WDFY4: variants seen among roughly 807,000 people sequenced by gnomAD.
WDFY4 encodes WDFY family member 4, also known as WD repeat- and FYVE domain-containing protein 4.
In WDFY4, 169 loss-of-function variants were observed where a neutral mutation model predicts 351.9. The ratio of observed to expected loss-of-function variants is 0.48; its 90% CI spans 0.42 to 0.55. WDFY4 has a LOEUF of 0.55. Among genes scored for constraint, WDFY4 ranks in the 20% least tolerant of loss-of-function variants. WDFY4 has a pLI of 0.00. For synonymous variants in WDFY4, 1,622 were observed against 1,574.6 expected (o/e 1.03, Z -0.71); for missense variants, 3,803 against 3,935.6 (o/e 0.97, Z 0.90).
intron 61 of WDFY4, among the ~76,000 whole-genome samples, chr10:48,982,046 C>T (rs1278826721): frequency 1.3e-5 from 2 of 152,138 alleles, no homozygotes; most frequent in South Asian, 2.1e-4. Flanking sequence ...CCCTCACTGG[C>T]GTGGCGTGGG....
chr10:48,860,454 A>C (rs967446926), intron 39 of WDFY4, among the ~76,000 whole-genome samples: 5 of 152,136 alleles, frequency 3.3e-5, no homozygotes, highest in African/African-American at 1.2e-4. Flanking sequence ...GTGGAGAGAG[A>C]AAGCTCTGGT....
rs116425328 is a variant in WDFY4, at chr10:48,775,339, G to A, written c.2769-373G>A. Among the ~76,000 whole-genome samples, 428 of 152,310 alleles carry A rather than the reference G, an allele frequency of 2.8e-3. 2 individuals are homozygous for A. Among genetic ancestry groups the A allele is most frequent in the African/African-American group, 9.7e-3 (403 of 41,564 alleles). ...ATACACAGGAGCAAGTGTAGAGGGC[G>A]CACAGACAGCCTTTCCAGCCAGCAG... is the stretch of plus-strand genomic sequence containing the variant. On this transcript the variant is annotated intron_variant, in intron 14 of 61. Coordinates refer to ENST00000325239, the MANE Select transcript of WDFY4 (RefSeq NM_001394531.1).
chr10:48,777,349 C>T (rs1193588664), intron 16 of WDFY4, 70 bp from the exon 17 acceptor site: 3 of 1,391,280 alleles, frequency 2.2e-6, no homozygotes, highest in Non-Finnish European at 3.0e-6. Flanking sequence ...ATGTCATGGC[C>T]CAGACTAGCT....
At chr10:48,976,208 G>A (rs1842561754) in intron 58 of WDFY4, among the ~76,000 whole-genome samples, 1 of 152,236 alleles carries the variant, frequency 6.6e-6, no homozygotes, top group South Asian at 2.1e-4. Context: ...AAGGCTCAAA[G>A]GGATGGCCCC....
intron 43 of WDFY4, among the ~76,000 whole-genome samples, chr10:48,889,523 A>G (rs1408141783): frequency 6.6e-6 from 1 of 151,644 alleles, no homozygotes; most frequent in Non-Finnish European, 1.5e-5. Context: ...AAACATATCT[A>G]TTCTGCTTTT....
chr10:48,932,815 C>G (rs1840102286), intron 47 of WDFY4, among the ~76,000 whole-genome samples: 1 of 152,092 alleles, frequency 6.6e-6, no homozygotes, highest in African/African-American at 2.4e-5. Flanking sequence ...TGGGGAGGTC[C>G]TTTCTGAGAA....
At chr10:48,765,119 A>T (rs1178070758) in intron 13 of WDFY4, among the ~76,000 whole-genome samples, 1 of 152,248 alleles carries the variant, frequency 6.6e-6, no homozygotes, top group African/African-American at 2.4e-5. Context: ...GAACATATGG[A>T]TGAGTGGGGC....
rs2066482782 is a variant in WDFY4, at chr10:48,787,879, T to TTC, written c.3809-650_3809-649insCT. On this transcript the variant is annotated intron_variant, in intron 20 of 61. Coordinates refer to ENST00000325239, the MANE Select transcript of WDFY4 (RefSeq NM_001394531.1). ...CTTCTTTCTTCTTCTTTCTTCTTTC[T>TTC]TTCTTCTTCTTCTCCTTCTTCTTCT... Among the ~76,000 whole-genome samples, 9 of 104,526 alleles carry TTC rather than the reference T, an allele frequency of 8.6e-5. 1 individual carries two copies. The highest frequency in any genetic ancestry group is 3.7e-4 in the African/African-American group (6 of 16,084). 68.6% of individuals were successfully genotyped at this position (104,526 alleles called of 152,430 possible).
chr10:48,833,564 G>C (rs1327107750), intron 39 of WDFY4, among the ~76,000 whole-genome samples: 1 of 152,234 alleles, frequency 6.6e-6, no homozygotes, highest in African/African-American at 2.4e-5. Context: ...AAGGGAAATA[G>C]ACTCCACCTT....
At position 48,806,986 on chromosome 10, in the gene WDFY4, A is replaced by G. The variant is rs1464560493; in HGVS notation, c.4739-873A>G. On this transcript the variant is annotated intron_variant, in intron 27 of 61. Transcript: ENST00000325239. The stretch of plus-strand genomic sequence containing the variant: ...GGATAGCATTTTTTAATCTAGATAA[A>G]GTATTATCTCTTATCCTTAGATCAA... Among the ~76,000 whole-genome samples the G allele has an allele frequency of 2.6e-5, 4 of 152,322 alleles. No homozygotes were observed. In the South Asian group the frequency reaches 8.3e-4, roughly 32 times the overall value.
In WDFY4 at chr10:48,814,416, C is replaced by T. The variant is rs554041745; in HGVS notation, c.5340+334C>T. Among the ~76,000 whole-genome samples, 8 of 152,330 alleles carry T rather than the reference C, an allele frequency of 5.3e-5. No homozygotes were observed. In the South Asian group the frequency reaches 1.5e-3, roughly 28 times the overall value. ...TCTCCTCTCAACGAGTCCATCTCCTCGCTCATGAGTGACCTGGGGAAGGGA... is the reference window on the plus strand; with the variant it reads ...TCTCCTCTCAACGAGTCCATCTCCTTGCTCATGAGTGACCTGGGGAAGGGA... On this transcript the variant is annotated intron_variant, in intron 31 of 61. Transcript: ENST00000325239.
At chr10:48,916,217 G>C (rs958117774) in intron 47 of WDFY4, among the ~76,000 whole-genome samples, 1 of 152,130 alleles carries the variant, frequency 6.6e-6, no homozygotes, top group Non-Finnish European at 1.5e-5. Context: ...TCTTGGCTTG[G>C]ACTCAAGGGC....
At chr10:48,778,894 A>G (rs765013078) in intron 18 of WDFY4, 62 bp downstream of exon 18, 18 of 1,520,980 alleles carry the variant, frequency 1.2e-5, no homozygotes, top group Non-Finnish European at 1.4e-5. Context: ...GCTAAGTCAG[A>G]AGCTCTCAAC....
intron 59 of WDFY4, among the ~76,000 whole-genome samples, chr10:48,977,611 C>CA (rs1842632000): frequency 6.6e-6 from 1 of 152,212 alleles, no homozygotes; most frequent in African/African-American, 2.4e-5. Context: ...TGGCCCACAT[C>CA]AGTGGGCCAG....
intron 1 of WDFY4, among the ~76,000 whole-genome samples, chr10:48,708,995 C>A (rs1169069812): frequency 1.7e-4 from 25 of 142,990 alleles, no homozygotes; most frequent in Non-Finnish European, 2.3e-4. Context: ...GAAAAAAAAA[C>A]AAACAAACAA....
At chr10:48,911,239 C>T (rs1354890709) in intron 47 of WDFY4, among the ~76,000 whole-genome samples, 3 of 152,146 alleles carry the variant, frequency 2.0e-5, no homozygotes, top group South Asian at 2.1e-4. Flanking sequence ...TGAGTCATTT[C>T]AGACAGTAGG....
At chr10:48,830,982 T>C (rs2068170970) in intron 38 of WDFY4, 97 bp downstream of exon 38, 7 of 1,216,034 alleles carry the variant, frequency 5.8e-6, no homozygotes, top group East Asian at 2.6e-5. Flanking sequence ...CTTTTCCACC[T>C]GGACCCTCTG....
At chr10:48,732,008 G>A (rs2064477630) in intron 9 of WDFY4, among the ~76,000 whole-genome samples, 1 of 152,144 alleles carries the variant, frequency 6.6e-6, no homozygotes, top group South Asian at 2.1e-4. Flanking sequence ...TTGGGGTCTT[G>A]CGGGCCCAGC....
intron 25 of WDFY4, chr10:48,804,896 C>T: frequency 1.9e-6 from 1 of 524,238 alleles, no homozygotes; most frequent in African/African-American, 2.1e-5. Flanking sequence ...GTGAAGGGCC[C>T]TGCACTCCTG....
Sources: gnomAD v4.1 joint callset for allele counts (sites outside exome capture counted in the v4.1 genomes callset) on GRCh38, gnomAD v4.1.1 for gene constraint, MANE v1.5 for transcripts, NCBI Gene and HGNC (gene_info 2026-07-23, HGNC 2026-07-21) for gene names.